Variants in PDE4D observed in about 807,000 individuals in gnomAD.
The protein encoded by PDE4D is 3',5'-cyclic-AMP phosphodiesterase 4D.
In PDE4D, 24 loss-of-function variants were observed where a neutral mutation model predicts 87.4. The ratio of observed to expected loss-of-function variants is 0.27; its 90% CI spans 0.20 to 0.39. PDE4D has a LOEUF of 0.39. Ranked by LOEUF, PDE4D falls within the 10% of genes least tolerant of loss-of-function variation. The pLI is 1.00. For missense variants in PDE4D, 714 were observed against 1,041.0 expected (o/e 0.69, Z 4.32); for synonymous variants, 384 against 383.2 (o/e 1.00, Z -0.02).
At chr5:60,187,393 A>G (rs1040471234) in intron 1 of PDE4D, among the ~76,000 whole-genome samples, 3 of 152,188 alleles carry the variant, frequency 2.0e-5, no homozygotes, top group Non-Finnish European at 4.4e-5. Flanking sequence ...AATATTCCAT[A>G]TCTAGGGAGA....
chr5:59,793,741 C>T (rs1214359879), intron 1 of PDE4D, among the ~76,000 whole-genome samples: 1 of 152,178 alleles, frequency 6.6e-6, no homozygotes, highest in African/African-American at 2.4e-5. Context: ...GGGATTAGAC[C>T]TTCTGATCAA....
intron 6 of PDE4D, among the ~76,000 whole-genome samples, chr5:58,996,281 A>G (rs1262468021): frequency 6.6e-6 from 1 of 152,202 alleles, no homozygotes; most frequent in Non-Finnish European, 1.5e-5. Flanking sequence ...CTTAAAGTAT[A>G]ATAATTAAAA....
intron 1 of PDE4D, among the ~76,000 whole-genome samples, chr5:59,366,738 T>A (rs553859024): frequency 1.3e-5 from 2 of 152,352 alleles, no homozygotes; most frequent in African/African-American, 4.8e-5. Flanking sequence ...TAGGCCTTGT[T>A]TGTCATGAAC....
chr5:60,517,007 GC>G (rs1339393121), intron 1 of PDE4D, among the ~76,000 whole-genome samples: 2 of 152,142 alleles, frequency 1.3e-5, no homozygotes, highest in Admixed American at 1.3e-4. Flanking sequence ...ACTCTCAGAA[GC>G]CCAGGAAACC....
chr5:59,169,761 T>G (rs1301881553), intron 5 of PDE4D, among the ~76,000 whole-genome samples: 1 of 152,212 alleles, frequency 6.6e-6, no homozygotes, highest in African/African-American at 2.4e-5. Flanking sequence ...ACCTGCTTTC[T>G]TCAGTATTCC....
At chr5:59,921,407 A>G (rs1754657931) in intron 3 of PDE4D, among the ~76,000 whole-genome samples, 1 of 152,184 alleles carries the variant, frequency 6.6e-6, no homozygotes, top group South Asian at 2.1e-4. Context: ...GAGGTTATTG[A>G]GAATTTCAAC....
chr5:59,585,613 C>T (rs1824992666), intron 1 of PDE4D, among the ~76,000 whole-genome samples: 1 of 152,106 alleles, frequency 6.6e-6, no homozygotes. Flanking sequence ...TATAAATACC[C>T]TCAGCAATGA....
intron 5 of PDE4D, among the ~76,000 whole-genome samples, chr5:59,134,247 T>C (rs1195808582): frequency 6.7e-6 from 1 of 149,466 alleles, no homozygotes; most frequent in Non-Finnish European, 1.5e-5. Flanking sequence ...GAAAAAGTCA[T>C]AATATTTGAC....
At chr5:59,577,579 C>A (rs1583197226) in intron 1 of PDE4D, among the ~76,000 whole-genome samples, 1 of 152,094 alleles carries the variant, frequency 6.6e-6, no homozygotes, top group African/African-American at 2.4e-5. Context: ...AATATGGAGA[C>A]TCAAGGGAGA....
intron 2 of PDE4D, among the ~76,000 whole-genome samples, chr5:60,015,336 T>A (rs1765402427): frequency 6.6e-6 from 1 of 152,192 alleles, no homozygotes; most frequent in African/African-American, 2.4e-5. Flanking sequence ...ACATATGCTA[T>A]TCCTCACACC....
chr5:59,300,320 G>A (rs1769969405), intron 1 of PDE4D, among the ~76,000 whole-genome samples: 1 of 151,994 alleles, frequency 6.6e-6, no homozygotes, highest in African/African-American at 2.4e-5. Flanking sequence ...TCTTTGAAAT[G>A]AGTATATTTT....
intron 1 of PDE4D, among the ~76,000 whole-genome samples, chr5:60,494,876 A>G (rs1391432206): frequency 2.0e-5 from 3 of 152,192 alleles, no homozygotes; most frequent in Non-Finnish European, 4.4e-5. Flanking sequence ...TCACACCTGC[A>G]TATCAGCTAC....
intron 1 of PDE4D, among the ~76,000 whole-genome samples, chr5:60,273,560 T>A (rs909823856): frequency 6.6e-6 from 1 of 152,092 alleles, no homozygotes; most frequent in Non-Finnish European, 1.5e-5. Context: ...ACAGACAGAC[T>A]AAAGGCAGGG....
At chr5:59,783,426 T>C (rs1198143175) in intron 1 of PDE4D, among the ~76,000 whole-genome samples, 1 of 152,166 alleles carries the variant, frequency 6.6e-6, no homozygotes, top group Non-Finnish European at 1.5e-5. Context: ...TTTTACACAG[T>C]CTTGAATAAA....
At chr5:59,024,431 G>T (rs546681111) in intron 6 of PDE4D, among the ~76,000 whole-genome samples, 1 of 151,064 alleles carries the variant, frequency 6.6e-6, no homozygotes, top group Non-Finnish European at 1.5e-5. Context: ...ACTCCTGACC[G>T]CGTGATCTGC....
chr5:60,519,717 C>A (rs1372078633), intron 1 of PDE4D, among the ~76,000 whole-genome samples: 2 of 152,178 alleles, frequency 1.3e-5, no homozygotes, highest in Non-Finnish European at 2.9e-5. Context: ...TTGGAGGAGG[C>A]TTTTCCTTGA....
chr5:59,310,668 G>C (rs2194210), intron 1 of PDE4D, among the ~76,000 whole-genome samples: 10,508 of 152,268 alleles, frequency 0.069, 472 homozygotes, highest in South Asian at 0.12. Context: ...AAGGGCTGCT[G>C]TTTGTGAGAC....
At chr5:59,109,327 C>T (rs1183015170) in intron 5 of PDE4D, among the ~76,000 whole-genome samples, 1 of 152,192 alleles carries the variant, frequency 6.6e-6, no homozygotes, top group Non-Finnish European at 1.5e-5. Context: ...CACAACAAAA[C>T]ATGCACAAAG....
chr5:60,374,538 T>A (rs1761283429), intron 1 of PDE4D, among the ~76,000 whole-genome samples: 1 of 152,204 alleles, frequency 6.6e-6, no homozygotes, highest in Non-Finnish European at 1.5e-5. Flanking sequence ...CCCATGAATA[T>A]TCCACCATGT....
Sources: allele counts gnomAD v4.1 joint callset (sites outside exome capture counted in the v4.1 genomes callset), GRCh38; gene constraint gnomAD v4.1.1; transcripts MANE v1.5; gene names NCBI Gene and HGNC (gene_info 2026-07-23, HGNC 2026-07-21).